ADCY10: variants seen among roughly 807,000 people sequenced by gnomAD.
ADCY10 encodes the protein adenylate cyclase type 10.
A neutral mutation model predicts 183.3 loss-of-function variants in ADCY10; 156 were observed. The ratio of observed to expected loss-of-function variants is 0.85; its 90% CI spans 0.75 to 0.97. The LOEUF (loss-of-function observed/expected upper bound fraction) is 0.97, where lower values mean the gene tolerates loss of function less well. ADCY10 is among the 50% of genes least tolerant of loss of function. ADCY10 has a pLI of 0.00. For missense variants in ADCY10, 1,745 were observed against 1,934.3 expected, an observed-to-expected ratio of 0.90 and a Z score of 1.84; for synonymous variants, 645 against 670.0, an observed-to-expected ratio of 0.96 and a Z score of 0.58.
intron 26 of ADCY10, among the ~76,000 whole-genome samples, chr1:167,827,476 A>G (rs1296526463): frequency 6.6e-6 from 1 of 150,478 alleles, no homozygotes; most frequent in Non-Finnish European, 1.5e-5. Context: ...TGCTGATTTA[A>G]TGTACTTTTA....
At chr1:167,843,295 C>A (rs1664785598) in intron 21 of ADCY10, among the ~76,000 whole-genome samples, 1 of 152,250 alleles carries the variant, frequency 6.6e-6, no homozygotes, top group African/African-American at 2.4e-5. Context: ...TTTTATCCCC[C>A]AAAATAAAAC....
At chr1:167,895,397 C>T (rs1427192144) in intron 7 of ADCY10, among the ~76,000 whole-genome samples, 1 of 152,110 alleles carries the variant, frequency 6.6e-6, no homozygotes, top group African/African-American at 2.4e-5. Flanking sequence ...CACTCCCCAC[C>T]CCACTGCCTA....
rs980630648 is a variant in ADCY10, at chr1:167,843,375, T to C, written c.3007+2188A>G. Among the ~76,000 whole-genome samples, 10 of 152,198 alleles carry C rather than the reference T, an allele frequency of 6.6e-5. No homozygotes were observed. The East Asian group carries it at 7.7e-4, about 12-fold the overall frequency. On this transcript the variant is annotated intron_variant, in intron 21 of 32. Coordinates refer to ENST00000367851, the MANE Select transcript of ADCY10 (RefSeq NM_018417.6). ...ACATGTGTATGTGTGTGTGTATATG[T>C]ATGACTCACTGACCCCGCACAGTCA... is the stretch of plus-strand genomic sequence containing the variant.
Position 167,859,719 on chromosome 1 carries a change from A to G in ADCY10, c.1896+88T>C, listed in dbSNP as rs764403328. 5 of 945,614 alleles carry G rather than the reference A, an allele frequency of 5.3e-6. No homozygotes were observed. The Admixed American group carries it at 6.8e-5, about 13-fold the overall frequency. 58.6% of individuals were successfully genotyped at this position (945,614 alleles called of 1,614,324 possible). A position where few individuals can be genotyped will look rare whatever the true frequency, so the allele number is the denominator to read the frequency against. ...CACATCCTTCAAAAGCCTCTTGCCA[A>G]TGTGGTCTGAACTCCTCAAACCACC... On this transcript the variant is annotated intron_variant, in intron 16 of 32. Transcript: ENST00000367851.
At chr1:167,810,620 A>AT in intron 32 of ADCY10, 105 bp downstream of exon 32, 1 of 1,055,310 alleles carries the variant, frequency 9.5e-7, no homozygotes, top group Non-Finnish European at 1.4e-6. Flanking sequence ...AGTCTAAGAT[A>AT]TTTTGTTAAT....
intron 1 of ADCY10, among the ~76,000 whole-genome samples, chr1:167,913,350 T>C (rs1342119215): frequency 6.6e-6 from 1 of 152,204 alleles, no homozygotes; most frequent in Non-Finnish European, 1.5e-5. Context: ...AATTTCCTAA[T>C]AGATTTTATA....
At chr1:167,859,716 C>A in intron 16 of ADCY10, 91 bp downstream of exon 16, 3 of 926,710 alleles carry the variant, frequency 3.2e-6, no homozygotes, top group Non-Finnish European at 5.4e-6. Flanking sequence ...AAGCCTCTTG[C>A]CAATGTGGTC....
At chr1:167,846,397 AAAG>A (rs1460626244) in intron 19 of ADCY10, 134 bp from the exon 20 acceptor site, 2 of 1,115,044 alleles carry the variant, frequency 1.8e-6, no homozygotes, top group Non-Finnish European at 2.7e-6. Flanking sequence ...AGCTAAGTCA[AAAG>A]AAGTATTTGT....
In ADCY10 at chr1:167,875,315, C is replaced by T. The variant is rs203826; in HGVS notation, c.1407-129G>A. 1.4e-5 allele frequency: 13 copies of T among 926,188 alleles called. No individual in the cohort carries two copies. The Middle Eastern group carries it at 6.4e-4, about 46-fold the overall frequency. 57.4% of individuals were successfully genotyped at this position (926,188 alleles called of 1,614,324 possible). On this transcript the variant is annotated intron_variant, in intron 12 of 32. Transcript: ENST00000367851. ...TAACAAGAGTCTATCCCCTGACTCA[C>T]GGGTCGCAAACGCCAAAAGAAGGAG... is the stretch of plus-strand genomic sequence containing the variant.
chr1:167,902,799 G>A (rs575577424), intron 3 of ADCY10, among the ~76,000 whole-genome samples: 3 of 152,348 alleles, frequency 2.0e-5, no homozygotes, highest in South Asian at 4.1e-4. Context: ...AAGATGGCAG[G>A]CAGAGGTTGA....
Position 167,833,072 on chromosome 1 carries a change from T to C in ADCY10, c.3508A>G (p.Ile1170Val), listed in dbSNP as rs1663881413. 3 of 1,613,890 alleles carry C rather than the reference T, an allele frequency of 1.9e-6. No homozygotes were observed. The highest frequency in any genetic ancestry group is 1.3e-5 in the African/African-American group (1 of 74,854). ...ACATGGATATGGAGAAACAAGGAGATTAAGTTGTAAGGAAAGATTCGGTTG... is the reference window on the plus strand; with the variant it reads ...ACATGGATATGGAGAAACAAGGAGACTAAGTTGTAAGGAAAGATTCGGTTG... The part of the protein sequence containing the change: ...LLNRIFPYNL[I>V]SLFLHIHVEK... Residue 1170 changes from isoleucine to valine, a missense_variant, in exon 25 of 33, where the codon ATC becomes GTC. Ile to Val is a conservative substitution (Grantham distance 29). Transcript: ENST00000367851.
intron 9 of ADCY10, 40 bp downstream of exon 9, chr1:167,883,397 A>C (rs2102271679): frequency 6.2e-7 from 1 of 1,602,970 alleles, no homozygotes; most frequent in Middle Eastern, 1.7e-4. Flanking sequence ...ATGCTAACCT[A>C]AAACTATTGG....
chr1:167,815,404 G>A (rs1662470101), intron 31 of ADCY10, among the ~76,000 whole-genome samples: 1 of 152,136 alleles, frequency 6.6e-6, no homozygotes, highest in East Asian at 1.9e-4. Context: ...AACTGATCTT[G>A]GGGAAGAGGA....
At chr1:167,906,727 T>C (rs1389047891) in intron 1 of ADCY10, among the ~76,000 whole-genome samples, 1 of 152,072 alleles carries the variant, frequency 6.6e-6, no homozygotes, top group African/African-American at 2.4e-5. Flanking sequence ...AGGTCAAGGC[T>C]GCAAGGAGCT....
chr1:167,810,748 TC>T lies in ADCY10; in HGVS notation c.4647del (p.Lys1550AsnfsTer4), dbSNP rs1205063741. 5.6e-6 allele frequency: 9 copies of T among 1,614,112 alleles called. No individual in the cohort carries two copies. Among genetic ancestry groups the T allele is most frequent in the Non-Finnish European group, 7.6e-6 (9 of 1,180,052 alleles). On this transcript the variant is annotated frameshift_variant, in exon 32 of 33. Transcript: ENST00000367851. LOFTEE classifies it low-confidence loss of function (END_TRUNC). The stretch of plus-strand genomic sequence containing the variant: ...ACTTTGTTCATGTTCAGCCAGCATT[TC>T]TCCAGTATATTCCCCTGTGTTTCAG... ...RLSETQGNILEKCWLNMNKES... is the reference protein window; with the variant it reads ...RLSETQGNILXKCWLNMNKES...
intron 26 of ADCY10, 79 bp from the exon 27 acceptor site, chr1:167,824,934 A>G: frequency 7.4e-7 from 1 of 1,353,326 alleles, no homozygotes; most frequent in East Asian, 2.3e-5. Context: ...GTCTGCCAGT[A>G]AATGTTTGTT....
At chr1:167,894,492 G>T (rs898223813) in intron 7 of ADCY10, among the ~76,000 whole-genome samples, 6 of 152,180 alleles carry the variant, frequency 3.9e-5, no homozygotes, top group Non-Finnish European at 8.8e-5. Flanking sequence ...TATAAAGATT[G>T]ATAGTTTTAT....
chr1:167,901,781 C>G lies in ADCY10; in HGVS notation c.317G>C (p.Arg106Thr). Residue 106 changes from arginine (R) to threonine (T), a missense_variant, in exon 5 of 33, where the codon AGG becomes ACG. Transcript: ENST00000367851. ...GTTTTTCAGCTGCTTTCGCTCCACC[C>G]TCCACAGGGCTAGCAGTGCATCACC... ...FAGDALLALWRVERKQLKNII... is the reference protein window; with the variant it reads ...FAGDALLALWTVERKQLKNII... The G allele has an allele frequency of 6.2e-7, 1 of 1,614,200 alleles. No individual in the cohort carries two copies. The highest frequency in any genetic ancestry group is 8.5e-7 in the Non-Finnish European group (1 of 1,180,022).
At position 167,905,112 on chromosome 1, in the gene ADCY10, T is replaced by C; in HGVS notation, c.29A>G (p.Asp10Gly). Residue 10 changes from aspartate to glycine, a missense_variant, in exon 2 of 33, where the codon GAC (aspartate) becomes GGC (glycine). Coordinates refer to ENST00000367851, the MANE Select transcript of ADCY10 (RefSeq NM_018417.6). ...AGCTGCTATTCTGACTATGGGCCAG[T>C]CCTGGAATTCTTCTTTTGGAGTGTT... The part of the protein sequence containing the change: MNTPKEEFQ[D>G]WPIVRIAAHL... 1 of 1,614,228 alleles carries C rather than the reference T, an allele frequency of 6.2e-7. No individual in the cohort carries two copies. The highest frequency in any genetic ancestry group is 8.5e-7 in the Non-Finnish European group (1 of 1,180,040).
Sources: allele counts gnomAD v4.1 joint callset (sites outside exome capture counted in the v4.1 genomes callset), GRCh38; gene constraint gnomAD v4.1.1; transcripts MANE v1.5; gene names NCBI Gene and HGNC (gene_info 2026-07-23, HGNC 2026-07-21).